Variants in MSRA observed in about 807,000 individuals in gnomAD.
MSRA encodes mitochondrial peptide methionine sulfoxide reductase.
Under a neutral mutation model 31.3 loss-of-function variants are expected in MSRA, and 54 were observed. That is an observed-to-expected ratio of 1.73 (90% confidence interval 1.39 to 2.17). MSRA has a LOEUF of 2.17. Among genes scored for constraint, MSRA ranks in the 30% most tolerant of loss-of-function variants. The pLI, the probability that MSRA is intolerant of heterozygous loss-of-function variation, is 0.00. For missense variants in MSRA, 507 were observed against 300.9 expected (o/e 1.69, Z -5.07); for synonymous variants, 169 against 116.5 (o/e 1.45, Z -2.90).
chr8:10,405,186 G>A lies in MSRA; in HGVS notation c.544-22962G>A, dbSNP rs931118223. Among the ~76,000 whole-genome samples the A allele has an allele frequency of 3.3e-5, 5 of 152,130 alleles. No homozygotes were observed. The South Asian group carries it at 8.3e-4, about 25-fold the overall frequency. ...CACAGTGACCATGTGCCAGGTCACTGAGCCCAGCCTCCCTCTGGGAGAGAG... is the reference window on the plus strand; with the variant it reads ...CACAGTGACCATGTGCCAGGTCACTAAGCCCAGCCTCCCTCTGGGAGAGAG... On this transcript the variant is annotated intron_variant, in intron 5 of 5. Transcript: ENST00000317173.
intron 5 of MSRA, among the ~76,000 whole-genome samples, chr8:10,338,432 A>T (rs1422719982): frequency 6.6e-6 from 1 of 152,204 alleles, no homozygotes; most frequent in African/African-American, 2.4e-5. Flanking sequence ...GTTGCACAGC[A>T]GGGTGACTGT....
At chr8:10,163,341 C>T (rs1023329152) in intron 1 of MSRA, among the ~76,000 whole-genome samples, 1 of 152,198 alleles carries the variant, frequency 6.6e-6, no homozygotes, top group Non-Finnish European at 1.5e-5. Flanking sequence ...GGCCGGTCAC[C>T]TTCCATTGTC....
intron 1 of MSRA, among the ~76,000 whole-genome samples, chr8:10,143,840 C>T (rs1802910551): frequency 6.6e-6 from 1 of 152,194 alleles, no homozygotes; most frequent in Non-Finnish European, 1.5e-5. Flanking sequence ...CTAACTCTTC[C>T]TCAAACCTTA....
chr8:10,204,867 G>A (rs1808811246), intron 1 of MSRA, among the ~76,000 whole-genome samples: 1 of 152,204 alleles, frequency 6.6e-6, no homozygotes, highest in African/African-American at 2.4e-5. Flanking sequence ...ATGGAAATGG[G>A]GAGTCAGAGA....
intron 2 of MSRA, among the ~76,000 whole-genome samples, chr8:10,208,626 C>G (rs1809219153): frequency 6.6e-6 from 1 of 152,108 alleles, no homozygotes; most frequent in Admixed American, 6.5e-5. Flanking sequence ...ACCTCCCCTC[C>G]CCTTCTCTCT....
chr8:10,235,351 A>G (rs1047668633), intron 2 of MSRA, among the ~76,000 whole-genome samples: 3 of 152,156 alleles, frequency 2.0e-5, no homozygotes, highest in Non-Finnish European at 4.4e-5. Flanking sequence ...ATTACATCAG[A>G]AGAGAATGGC....
At chr8:10,314,166 A>G (rs78248387) in intron 4 of MSRA, among the ~76,000 whole-genome samples, 2,072 of 152,302 alleles carry the variant, frequency 0.014, 55 homozygotes, top group African/African-American at 0.047. Flanking sequence ...TCAAAATCTG[A>G]CAACTTTGGT....
At chr8:10,170,724 C>T (rs895263810) in intron 1 of MSRA, among the ~76,000 whole-genome samples, 1 of 152,156 alleles carries the variant, frequency 6.6e-6, no homozygotes, top group Non-Finnish European at 1.5e-5. Context: ...CTTGGGCATC[C>T]TCAGATTTTG....
intron 3 of MSRA, among the ~76,000 whole-genome samples, chr8:10,259,217 T>G (rs1798341550): frequency 1.3e-5 from 2 of 152,168 alleles, no homozygotes; most frequent in Non-Finnish European, 2.9e-5. Flanking sequence ...CTATGGCCAC[T>G]CTCTGGCAAA....
intron 3 of MSRA, among the ~76,000 whole-genome samples, chr8:10,249,931 A>T (rs1157584657): frequency 1.3e-5 from 2 of 152,206 alleles, no homozygotes; most frequent in Admixed American, 1.3e-4. Flanking sequence ...GAATAAATTA[A>T]ATATGCCACT....
intron 1 of MSRA, among the ~76,000 whole-genome samples, chr8:10,055,590 C>G (rs182201210): frequency 1.3e-5 from 2 of 152,248 alleles, no homozygotes; most frequent in Non-Finnish European, 2.9e-5. Context: ...AAAACAAGTC[C>G]TCCAGGTGAT....
intron 5 of MSRA, among the ~76,000 whole-genome samples, chr8:10,409,900 A>G (rs2129188077): frequency 6.6e-6 from 1 of 152,310 alleles, no homozygotes; most frequent in Middle Eastern, 3.4e-3. Flanking sequence ...TCTACAGAAA[A>G]TAAAAAGAAT....
At chr8:10,390,586 C>A (rs879730659) in intron 5 of MSRA, among the ~76,000 whole-genome samples, 1 of 152,138 alleles carries the variant, frequency 6.6e-6, no homozygotes, top group Non-Finnish European at 1.5e-5. Context: ...CCCATTGTCA[C>A]ATGATTTGGG....
chr8:10,292,180 G>A (rs1421879467), intron 3 of MSRA, among the ~76,000 whole-genome samples: 3 of 152,234 alleles, frequency 2.0e-5, no homozygotes, highest in African/African-American at 4.8e-5. Context: ...TTGGAGTCCA[G>A]TGTGCATGTG....
intron 5 of MSRA, among the ~76,000 whole-genome samples, chr8:10,391,680 G>A (rs1319181476): frequency 6.6e-6 from 1 of 152,166 alleles, no homozygotes; most frequent in Non-Finnish European, 1.5e-5. Context: ...CTAGGAGTCG[G>A]TTCTTCTACA....
chr8:10,245,052 C>G, intron 2 of MSRA, 52 bp from the exon 3 acceptor site: 3 of 1,584,000 alleles, frequency 1.9e-6, no homozygotes, highest in Non-Finnish European at 2.6e-6. Context: ...GTGCAATGAC[C>G]ACTTTGTTTT....
At chr8:10,107,132 C>A (rs916248751) in intron 1 of MSRA, among the ~76,000 whole-genome samples, 1 of 152,120 alleles carries the variant, frequency 6.6e-6, no homozygotes, top group Non-Finnish European at 1.5e-5. Context: ...TGTGGCCAAG[C>A]GCAGTGACTG....
intron 5 of MSRA, among the ~76,000 whole-genome samples, chr8:10,356,151 C>T (rs939380281): frequency 7.9e-5 from 12 of 152,160 alleles, no homozygotes; most frequent in African/African-American, 2.7e-4. Context: ...CTGCTGGTAA[C>T]GGTAGTTGGC....
intron 2 of MSRA, among the ~76,000 whole-genome samples, chr8:10,213,562 G>A (rs574573055): frequency 4.1e-5 from 6 of 147,848 alleles, no homozygotes; most frequent in African/African-American, 7.5e-5. Flanking sequence ...TCAGCTTCCC[G>A]AGTAGCTGGG....
Sources: gnomAD v4.1 joint callset for allele counts (sites outside exome capture counted in the v4.1 genomes callset) on GRCh38, gnomAD v4.1.1 for gene constraint, MANE v1.5 for transcripts, NCBI Gene and HGNC (gene_info 2026-07-23, HGNC 2026-07-21) for gene names.